Variants in TTC7B observed in about 807,000 individuals in gnomAD.
The protein encoded by TTC7B is tetratricopeptide repeat protein 7B.
In TTC7B, 28 loss-of-function variants were observed where a neutral mutation model predicts 106.8. The ratio of observed to expected loss-of-function variants is 0.26; its 90% CI spans 0.19 to 0.36. The LOEUF (loss-of-function observed/expected upper bound fraction) is 0.36. Among genes scored for constraint, TTC7B ranks in the 10% least tolerant of loss-of-function variants. The pLI, the probability that TTC7B is intolerant of heterozygous loss-of-function variation, is 1.00. For synonymous variants in TTC7B, 405 were observed against 430.6 expected (o/e 0.94, Z 0.74); for missense variants, 862 against 1,076.4 (o/e 0.80, Z 2.79).
chr14:90,657,442 G>A lies in TTC7B; in HGVS notation c.1237-164C>T, dbSNP rs3742659. On this transcript the variant is annotated intron_variant, in intron 10 of 19. Transcript: ENST00000328459. The surrounding 1 kb of genome is among the most constrained non-coding windows in gnomAD (Gnocchi z 4.2). ...GAGGTGCATGAAAACCAGAGCCTGC[G>A]GCTTCTGAGTGACTGGGGAGTACAC... is the stretch of plus-strand genomic sequence containing the variant. 3.4e-3 allele frequency: 1,995 copies of A among 593,362 alleles called. 31 individuals are homozygous for A. The East Asian group carries it at 0.04, about 12-fold the overall frequency. 36.8% of individuals were successfully genotyped at this position (593,362 alleles called of 1,614,324 possible). A position where few individuals can be genotyped will look rare whatever the true frequency, so the allele number is the denominator to read the frequency against.
chr14:90,670,636 T>G (rs1886596259), intron 9 of TTC7B, among the ~76,000 whole-genome samples: 1 of 152,204 alleles, frequency 6.6e-6, no homozygotes, highest in South Asian at 2.1e-4. Context: ...GGCATTTTCA[T>G]TGAGGACCAC....
chr14:90,606,818 T>A (rs1892659078), intron 17 of TTC7B, among the ~76,000 whole-genome samples: 1 of 152,250 alleles, frequency 6.6e-6, no homozygotes. Flanking sequence ...CCTCATGTTA[T>A]TCCACAGCTC....
chr14:90,752,780 G>A (rs1043309254), intron 3 of TTC7B, among the ~76,000 whole-genome samples: 8 of 152,158 alleles, frequency 5.3e-5, no homozygotes, highest in African/African-American at 1.9e-4. Context: ...TCCGACCCCT[G>A]GTCTATCTGA....
intron 5 of TTC7B, chr14:90,698,863 T>C (rs972183551): frequency 1.4e-4 from 40 of 276,434 alleles, no homozygotes; most frequent in African/African-American, 9.2e-4. Context: ...CCCACAGCCT[T>C]GCTCTCATTC....
chr14:90,693,042 A>G (rs1443876399), intron 6 of TTC7B, among the ~76,000 whole-genome samples: 4 of 152,270 alleles, frequency 2.6e-5, no homozygotes, highest in South Asian at 4.1e-4. Context: ...AGACACCACA[A>G]TGAAGTCATT....
intron 17 of TTC7B, 123 bp from the exon 18 acceptor site, chr14:90,593,749 T>C: frequency 9.7e-7 from 1 of 1,033,232 alleles, no homozygotes; most frequent in East Asian, 2.9e-5. Flanking sequence ...TTCTAAGATT[T>C]ACTGTCCACA....
At position 90,531,231 on chromosome 14, in the gene TTC7B, T is replaced by A. The variant is rs1365561704; in HGVS notation, c.*10137A>T. The A allele has an allele frequency of 6.6e-6, 1 of 151,864 alleles. No homozygotes were observed. The highest frequency in any genetic ancestry group is 1.5e-5 in the Non-Finnish European group (1 of 68,016). The allele number at this position is 151,864 out of a possible 1,614,324, so 9.4% of individuals were successfully genotyped here. A position where few individuals can be genotyped will look rare whatever the true frequency, so the allele number is the denominator to read the frequency against. ...GATACAGTGGGTGTAGGTTTTACGA[T>A]CACAAAAGAAAAGAAAAAGCTGCTT... On this transcript the variant is annotated 3_prime_UTR_variant, in exon 20 of 20. Coordinates refer to ENST00000328459, the MANE Select transcript of TTC7B (RefSeq NM_001010854.2).
intron 1 of TTC7B, among the ~76,000 whole-genome samples, chr14:90,796,063 C>G (rs1891765179): frequency 6.6e-6 from 1 of 152,206 alleles, no homozygotes; most frequent in Non-Finnish European, 1.5e-5. Flanking sequence ...CCTACACTCT[C>G]TCCGGCACGC....
At chr14:90,654,480 G>A (rs1595249880) in intron 12 of TTC7B, among the ~76,000 whole-genome samples, 1 of 152,050 alleles carries the variant, frequency 6.6e-6, no homozygotes, top group East Asian at 1.9e-4. Context: ...AAATCACTGC[G>A]CCCAAGACCC....
chr14:90,774,627 G>A (rs1231353125), intron 3 of TTC7B, among the ~76,000 whole-genome samples: 2 of 152,196 alleles, frequency 1.3e-5, no homozygotes, highest in Non-Finnish European at 2.9e-5. Flanking sequence ...GATGATGTGG[G>A]TAGCTTCTCC....
intron 3 of TTC7B, among the ~76,000 whole-genome samples, chr14:90,773,520 G>A (rs1183041365): frequency 1.3e-5 from 2 of 152,062 alleles, no homozygotes; most frequent in African/African-American, 2.4e-5. Flanking sequence ...ACTAGGGTCC[G>A]GGATTGTTCT....
chr14:90,543,050 CTA>C (rs1889673827), intron 19 of TTC7B, among the ~76,000 whole-genome samples: 1 of 152,190 alleles, frequency 6.6e-6, no homozygotes, highest in Non-Finnish European at 1.5e-5. Context: ...TTGTTGAAAT[CTA>C]TATTTCTTTA....
chr14:90,610,304 G>A (rs1476854468), intron 17 of TTC7B, among the ~76,000 whole-genome samples: 1 of 152,206 alleles, frequency 6.6e-6, no homozygotes. Flanking sequence ...TTCCACATGG[G>A]GACAGTGGAA....
chr14:90,701,587 CT>C, intron 5 of TTC7B, among the ~76,000 whole-genome samples: 1 of 152,106 alleles, frequency 6.6e-6, no homozygotes, highest in Admixed American at 6.5e-5. Flanking sequence ...AGCTCCGAGT[CT>C]CTGAGAAACA....
At chr14:90,612,115 T>A (rs1229660939) in intron 16 of TTC7B, among the ~76,000 whole-genome samples, 1 of 152,152 alleles carries the variant, frequency 6.6e-6, no homozygotes, top group Non-Finnish European at 1.5e-5. Flanking sequence ...TCTAACTACA[T>A]TAGAGAAATC....
rs1250945664 is a variant in TTC7B at position 90,657,555 on chromosome 14, T to C, written c.1237-277A>G. 3.6e-6 allele frequency: 1 copy of C among 280,974 alleles called. No individual in the cohort carries two copies. The highest frequency in any genetic ancestry group is 6.7e-6 in the Non-Finnish European group (1 of 149,936). The allele number at this position is 280,974 out of a possible 1,614,324, so 17.4% of individuals were successfully genotyped here. On this transcript the variant is annotated intron_variant, in intron 10 of 19. Coordinates refer to ENST00000328459, the MANE Select transcript of TTC7B (RefSeq NM_001010854.2). The surrounding 1 kb of genome is among the most constrained non-coding windows in gnomAD (Gnocchi z 4.2). ...AGCTATTGGAAAATTAAGAAAAACA[T>C]AAAGATGGTGGAAGTTTGTTCTTAT...
rs1389005451 is a variant in TTC7B at position 90,578,113 on chromosome 14, T to C, written c.2303A>G (p.Gln768Arg). ...CCGGGCTCGTGGACTCACCAGTCGC[T>C]GCATGCTCTTCACGTGGGTGGGGCT... ...AISPTHVKSM[Q>R]RLALILHQLG... is the part of the protein sequence containing the mutation. Residue 768 changes from glutamine to arginine, a missense_variant, in exon 19 of 20, where the codon CAG becomes CGG. Physicochemically the swap from Gln to Arg is conservative, Grantham distance 43. Coordinates refer to ENST00000328459, the MANE Select transcript of TTC7B (RefSeq NM_001010854.2). The surrounding 1 kb of genome is among the most constrained non-coding windows in gnomAD (Gnocchi z 4.7). 2 of 1,610,260 alleles carry C rather than the reference T, an allele frequency of 1.2e-6. No individual in the cohort carries two copies. Among genetic ancestry groups the C allele is most frequent in the African/African-American group, 1.3e-5 (1 of 75,042 alleles).
At chr14:90,622,115 AAT>A (rs1884231504) in intron 15 of TTC7B, among the ~76,000 whole-genome samples, 2 of 135,588 alleles carry the variant, frequency 1.5e-5, no homozygotes, top group Admixed American at 7.5e-5. Context: ...TCATGATTCT[AAT>A]TTTTTTTTTT....
At chr14:90,620,255 G>A (rs1441979042) in intron 15 of TTC7B, among the ~76,000 whole-genome samples, 2 of 152,142 alleles carry the variant, frequency 1.3e-5, no homozygotes, top group Non-Finnish European at 2.9e-5. Context: ...CTAGATGTGA[G>A]AATAGGGCTC....
Sources: allele counts gnomAD v4.1 joint callset (sites outside exome capture counted in the v4.1 genomes callset), GRCh38; gene constraint gnomAD v4.1.1; non-coding constraint Gnocchi (gnomAD v3.1); transcripts MANE v1.5; gene names NCBI Gene and HGNC (gene_info 2026-07-23, HGNC 2026-07-21).